The following TNIK variants were observed in gnomAD, a reference collection of about 807,000 sequenced individuals.
The protein encoded by TNIK is TRAF2 and NCK interacting kinase.
A neutral mutation model predicts 191.3 loss-of-function variants in TNIK; 49 were observed. The ratio of observed to expected loss-of-function variants is 0.26; its 90% CI spans 0.20 to 0.32. TNIK has a LOEUF of 0.32. TNIK is among the 10% of genes least tolerant of loss of function. TNIK has a pLI of 1.00. For synonymous variants in TNIK, 594 were observed against 600.9 expected (o/e 0.99, Z 0.17); for missense variants, 1,155 against 1,702.3 (o/e 0.68, Z 5.66).
At chr3:171,147,412 G>T (rs1189792120) in intron 12 of TNIK, among the ~76,000 whole-genome samples, 1 of 152,178 alleles carries the variant, frequency 6.6e-6, no homozygotes, top group African/African-American at 2.4e-5. Context: ...AGGTATTCCA[G>T]CTTCTGGGCA....
In TNIK at chr3:171,209,506, T is replaced by C. The variant is rs1740521259; in HGVS notation, c.306+1610A>G. 2.0e-5 allele frequency among the ~76,000 whole-genome samples: 3 copies of C among 152,172 alleles called. 1 individual carries two copies. Among genetic ancestry groups the C allele is most frequent in the African/African-American group, 7.2e-5 (3 of 41,444 alleles). On this transcript the variant is annotated intron_variant, in intron 4 of 32. Transcript: ENST00000436636. ...TAAAACATGTATATAGTCAAGTCCATCAAAATTATATTTTATGGTGTATCC... is the reference window on the plus strand; with the variant it reads ...TAAAACATGTATATAGTCAAGTCCACCAAAATTATATTTTATGGTGTATCC...
chr3:171,382,360 A>G (rs2108523262), intron 1 of TNIK, among the ~76,000 whole-genome samples: 1 of 152,058 alleles, frequency 6.6e-6, no homozygotes, highest in Middle Eastern at 3.4e-3. Flanking sequence ...AGTTAAGATT[A>G]CAGGCGTATG....
At chr3:171,391,500 C>T (rs979874039) in intron 1 of TNIK, among the ~76,000 whole-genome samples, 1 of 152,220 alleles carries the variant, frequency 6.6e-6, no homozygotes, top group African/African-American at 2.4e-5. Flanking sequence ...TGACTTCAAT[C>T]TGCATAAACA....
At chr3:171,224,719 G>A (rs1474314825) in intron 3 of TNIK, among the ~76,000 whole-genome samples, 2 of 152,098 alleles carry the variant, frequency 1.3e-5, no homozygotes, top group East Asian at 3.9e-4. Context: ...ACACTACCTG[G>A]GAGGGTCCAG....
chr3:171,264,310 C>T (rs1406700348), intron 2 of TNIK, among the ~76,000 whole-genome samples: 1 of 149,758 alleles, frequency 6.7e-6, no homozygotes, highest in African/African-American at 2.5e-5. Context: ...ATAGACATTG[C>T]GTACCAAATT....
chr3:171,125,715 C>T (rs1051259135), intron 17 of TNIK, among the ~76,000 whole-genome samples, 197 bp downstream of exon 17: 6 of 151,996 alleles, frequency 3.9e-5, no homozygotes, highest in South Asian at 4.2e-4. Context: ...AGTTTTCTTG[C>T]GGGGGAAATA....
chr3:171,096,535 TAA>T (rs1722738514), intron 22 of TNIK, among the ~76,000 whole-genome samples: 1 of 152,178 alleles, frequency 6.6e-6, no homozygotes, highest in Non-Finnish European at 1.5e-5. Flanking sequence ...ATTTAACTTA[TAA>T]AAGTTTCCTA....
intron 24 of TNIK, among the ~76,000 whole-genome samples, chr3:171,086,033 A>G (rs1721318742): frequency 6.6e-6 from 1 of 152,202 alleles, no homozygotes; most frequent in Non-Finnish European, 1.5e-5. Flanking sequence ...ATAAGCTGCA[A>G]TGTCAGTCAT....
At chr3:171,110,044 A>G (rs1725610250) in intron 19 of TNIK, among the ~76,000 whole-genome samples, 1 of 152,050 alleles carries the variant, frequency 6.6e-6, no homozygotes, top group South Asian at 2.1e-4. Context: ...AGCTGGGATT[A>G]CAGGCATGCA....
chr3:171,374,775 T>G (rs1716990497), intron 1 of TNIK, among the ~76,000 whole-genome samples: 1 of 152,176 alleles, frequency 6.6e-6, no homozygotes, highest in Non-Finnish European at 1.5e-5. Flanking sequence ...ACAATAAAAA[T>G]TACAGTAATA....
At chr3:171,149,824 T>A (rs1732190100) in intron 12 of TNIK, among the ~76,000 whole-genome samples, 1 of 152,242 alleles carries the variant, frequency 6.6e-6, no homozygotes, top group African/African-American at 2.4e-5. Flanking sequence ...AATCTTGTGT[T>A]GATGCTAATG....
intron 2 of TNIK, among the ~76,000 whole-genome samples, chr3:171,301,312 G>A (rs915005831): frequency 5.1e-5 from 7 of 137,584 alleles, no homozygotes; most frequent in African/African-American, 1.3e-4. Flanking sequence ...CAACTAGCTG[G>A]ACTTTTTTTT....
chr3:171,426,391 A>T (rs1358704011), intron 1 of TNIK, among the ~76,000 whole-genome samples: 9 of 117,260 alleles, frequency 7.7e-5, no homozygotes, highest in African/African-American at 2.7e-4. Context: ...AACATCACAC[A>T]CTGGGGCCTG....
At chr3:171,323,110 G>C (rs73171590) in intron 2 of TNIK, among the ~76,000 whole-genome samples, 41,736 of 151,960 alleles carry the variant, frequency 0.27, 5,804 homozygotes, top group African/African-American at 0.34. Context: ...CTACAAGAGC[G>C]GTAGTTGATT....
intron 2 of TNIK, among the ~76,000 whole-genome samples, chr3:171,297,562 T>G (rs1033456368): frequency 6.6e-6 from 1 of 152,206 alleles, no homozygotes; most frequent in Admixed American, 6.5e-5. Flanking sequence ...AATTATCAGT[T>G]TTTAATTATA....
At chr3:171,244,684 C>T (rs1745389535) in intron 2 of TNIK, among the ~76,000 whole-genome samples, 1 of 151,814 alleles carries the variant, frequency 6.6e-6, no homozygotes, top group African/African-American at 2.4e-5. Context: ...CCATCGGCCT[C>T]TATGTTACAA....
chr3:171,228,082 T>C lies in TNIK; in HGVS notation c.180+83A>G, dbSNP rs928674550. ...TCAACTTAACAATATTTTCTACTTA[T>C]GATGGGCCTATCAGGATGTGAACTC... On this transcript the variant is annotated intron_variant, in intron 3 of 32. Transcript: ENST00000436636. 19 of 1,443,218 alleles carry C rather than the reference T, an allele frequency of 1.3e-5. No individual in the cohort carries two copies. The African/African-American group carries it at 1.6e-4, about 12-fold the overall frequency. 89.4% of individuals were successfully genotyped at this position (1,443,218 alleles called of 1,614,324 possible).
intron 28 of TNIK, among the ~76,000 whole-genome samples, chr3:171,076,031 C>T (rs775972469): frequency 9.2e-5 from 14 of 152,104 alleles, no homozygotes; most frequent in Non-Finnish European, 2.1e-4. Flanking sequence ...CCACTGTGCC[C>T]GGCCCAAAGG....
intron 1 of TNIK, among the ~76,000 whole-genome samples, chr3:171,438,468 C>T (rs1321613864): frequency 1.3e-5 from 2 of 152,222 alleles, no homozygotes; most frequent in Non-Finnish European, 2.9e-5. Flanking sequence ...CGATGACTCC[C>T]AGAAGACACG....
Sources: gnomAD v4.1 joint callset for allele counts (sites outside exome capture counted in the v4.1 genomes callset) on GRCh38, gnomAD v4.1.1 for gene constraint, MANE v1.5 for transcripts, NCBI Gene and HGNC (gene_info 2026-07-23, HGNC 2026-07-21) for gene names.